Variants in ANKS1B observed in about 807,000 individuals in gnomAD.
The protein encoded by ANKS1B is ankyrin repeat and sterile alpha motif domain containing 1B.
ANKS1B carries 36 observed loss-of-function variants against 148.3 expected under a neutral mutation model. The observed-to-expected ratio is 0.24, with a 90% CI of 0.19 to 0.32. ANKS1B has a LOEUF of 0.32. Ranked by LOEUF, ANKS1B falls within the 10% of genes least tolerant of loss-of-function variation. The pLI, the probability that ANKS1B is intolerant of heterozygous loss-of-function variation, is 1.00. For synonymous variants in ANKS1B, 542 were observed against 560.8 expected (o/e 0.97, Z 0.47); for missense variants, 1,157 against 1,542.6 (o/e 0.75, Z 4.19).
chr12:99,630,009 A>G (rs1241629021), intron 9 of ANKS1B, among the ~76,000 whole-genome samples: 1 of 152,186 alleles, frequency 6.6e-6, no homozygotes, highest in Non-Finnish European at 1.5e-5. Flanking sequence ...AAAAAATCCT[A>G]GGTGTATTTT....
intron 12 of ANKS1B, among the ~76,000 whole-genome samples, chr12:99,339,892 T>C (rs1350902277): frequency 6.6e-6 from 1 of 152,102 alleles, no homozygotes; most frequent in East Asian, 1.9e-4. Flanking sequence ...AGTTCCTAGG[T>C]CTCAATCCTG....
rs1555271635 is a variant in ANKS1B at position 99,122,991 on chromosome 12, A to AT, written c.2526+31297_2526+31298insA. 1.4e-3 allele frequency among the ~76,000 whole-genome samples: 28 copies of AT among 19,438 alleles called. No individual in the cohort carries two copies. The East Asian group carries it at 0.07, about 48-fold the overall frequency. 12.8% of individuals were successfully genotyped at this position (19,438 alleles called of 152,430 possible). ...GCTAGAAATAAATCAGTAAAATTAA[A>AT]AAAAAAATATATATATATATATAAA... is the stretch of plus-strand genomic sequence containing the variant. On this transcript the variant is annotated intron_variant, in intron 15 of 26. Coordinates refer to ENST00000683438, the MANE Select transcript of ANKS1B (RefSeq NM_001352186.2).
chr12:99,802,610 C>T (rs1314826981), intron 4 of ANKS1B, among the ~76,000 whole-genome samples: 1 of 151,966 alleles, frequency 6.6e-6, no homozygotes, highest in African/African-American at 2.4e-5. Flanking sequence ...AACATCAATG[C>T]TGCATTTAAA....
chr12:98,781,313 A>C (rs2098732978), intron 23 of ANKS1B, 110 bp from the exon 24 acceptor site: 8 of 613,998 alleles, frequency 1.3e-5, no homozygotes, highest in East Asian at 3.1e-5. Flanking sequence ...AAACAACAAC[A>C]ACACACACAC....
chr12:99,133,333 G>A (rs1474028713), intron 15 of ANKS1B, among the ~76,000 whole-genome samples: 5 of 152,076 alleles, frequency 3.3e-5, no homozygotes, highest in South Asian at 2.1e-4. Context: ...GATTACAGGC[G>A]TGAGCCACCA....
At chr12:98,755,101 C>T (rs2098200610) in intron 25 of ANKS1B, among the ~76,000 whole-genome samples, 1 of 152,034 alleles carries the variant, frequency 6.6e-6, no homozygotes, top group African/African-American at 2.4e-5. Flanking sequence ...TTGCCCATCC[C>T]GACACACCAG....
rs375089730 is a variant in ANKS1B at position 99,246,852 on chromosome 12, C to T, written c.1769G>A (p.Arg590Gln). ...EGTNHTDDLS[R>Q]QDDNDPPKEY... ...TTTTGGGGGATCATTGTCATCCTGTCGGGAGAGGTCATCTGCAAAAGGAAG... is the reference window on the plus strand; with the variant it reads ...TTTTGGGGGATCATTGTCATCCTGTTGGGAGAGGTCATCTGCAAAAGGAAG... The change falls in exon 13 of 27, where the codon CGA (arginine) becomes CAA (glutamine). Residue 590 changes from arginine to glutamine, a missense_variant. Physicochemically the swap from Arg to Gln is conservative, Grantham distance 43. Transcript: ENST00000683438. 123 of 1,582,874 alleles carry T rather than the reference C, an allele frequency of 7.8e-5. 1 individual carries two copies. The highest frequency in any genetic ancestry group is 6.8e-5 in the Non-Finnish European group (80 of 1,171,148).
At chr12:99,453,497 C>T (rs2095793707) in intron 10 of ANKS1B, among the ~76,000 whole-genome samples, 1 of 152,040 alleles carries the variant, frequency 6.6e-6, no homozygotes, top group African/African-American at 2.4e-5. Flanking sequence ...TTCAACAGCC[C>T]ACCAGAAACT....
At chr12:98,826,804 C>T (rs1363208942) in intron 19 of ANKS1B, among the ~76,000 whole-genome samples, 1 of 152,168 alleles carries the variant, frequency 6.6e-6, no homozygotes, top group African/African-American at 2.4e-5. Context: ...GTATAACTGG[C>T]TGCTTGCTTG....
intron 10 of ANKS1B, 112 bp downstream of exon 10, chr12:99,504,364 T>C: frequency 9.1e-7 from 1 of 1,095,252 alleles, no homozygotes; most frequent in Non-Finnish European, 1.3e-6. Flanking sequence ...GGAACTACAT[T>C]GGGGGAACTT....
At chr12:98,875,211 G>A (rs1432922438) in intron 17 of ANKS1B, among the ~76,000 whole-genome samples, 1 of 152,086 alleles carries the variant, frequency 6.6e-6, no homozygotes, top group Non-Finnish European at 1.5e-5. Flanking sequence ...ATGCTAATTT[G>A]GTTCCAGCCC....
intron 8 of ANKS1B, among the ~76,000 whole-genome samples, chr12:99,710,409 T>C (rs549379736): frequency 6.6e-6 from 1 of 152,240 alleles, no homozygotes; most frequent in East Asian, 1.9e-4. Flanking sequence ...CTGAGTCTGC[T>C]TGAGTAACCT....
intron 9 of ANKS1B, among the ~76,000 whole-genome samples, chr12:99,588,923 C>T (rs2097671195): frequency 6.6e-6 from 1 of 152,132 alleles, no homozygotes; most frequent in Admixed American, 6.5e-5. Flanking sequence ...ACTTGCATTT[C>T]CCTACCTATT....
intron 4 of ANKS1B, among the ~76,000 whole-genome samples, chr12:99,800,786 G>A (rs1210067259): frequency 6.6e-6 from 1 of 152,082 alleles, no homozygotes; most frequent in Non-Finnish European, 1.5e-5. Flanking sequence ...GTCCAGTAGG[G>A]AATTACATAC....
At chr12:99,577,088 TA>T (rs1487245992) in intron 9 of ANKS1B, among the ~76,000 whole-genome samples, 2 of 152,020 alleles carry the variant, frequency 1.3e-5, no homozygotes, top group African/African-American at 2.4e-5. Context: ...GAGGGGAGTT[TA>T]AAAAAGCAGC....
At chr12:98,841,336 G>A (rs2099404675) in intron 17 of ANKS1B, among the ~76,000 whole-genome samples, 1 of 152,106 alleles carries the variant, frequency 6.6e-6, no homozygotes, top group Non-Finnish European at 1.5e-5. Flanking sequence ...GACAATCCTA[G>A]GTAAGTGAGG....
At chr12:99,820,127 T>G (rs1314570279) in intron 2 of ANKS1B, among the ~76,000 whole-genome samples, 1 of 151,970 alleles carries the variant, frequency 6.6e-6, no homozygotes, top group Non-Finnish European at 1.5e-5. Flanking sequence ...AACCATGATT[T>G]TTTCCTATCA....
chr12:99,767,656 T>C (rs1348834535), intron 8 of ANKS1B, among the ~76,000 whole-genome samples: 4 of 152,110 alleles, frequency 2.6e-5, no homozygotes, highest in Non-Finnish European at 5.9e-5. Context: ...TTAGGATATT[T>C]ATATTTCTTC....
intron 23 of ANKS1B, 152 bp from the exon 24 acceptor site, chr12:98,781,355 C>G: frequency 1.5e-6 from 1 of 683,672 alleles, no homozygotes; most frequent in Non-Finnish European, 2.7e-6. Context: ...AGATACACAC[C>G]ACGCACACTC....
Sources: gnomAD v4.1 joint callset for allele counts (sites outside exome capture counted in the v4.1 genomes callset) on GRCh38, gnomAD v4.1.1 for gene constraint, MANE v1.5 for transcripts, NCBI Gene and HGNC (gene_info 2026-07-23, HGNC 2026-07-21) for gene names.